RALGPS2: variants seen among roughly 807,000 people sequenced by gnomAD.
RALGPS2 encodes the protein ras-specific guanine nucleotide-releasing factor RalGPS2.
A neutral mutation model predicts 86.8 loss-of-function variants in RALGPS2; 43 were observed. That is an observed-to-expected ratio of 0.50 (90% CI 0.39 to 0.64). The LOEUF (loss-of-function observed/expected upper bound fraction) is 0.64, where lower values mean the gene tolerates loss of function less well. RALGPS2 is among the 30% of genes least tolerant of loss of function. The probability of loss-of-function intolerance (pLI) is 0.00; values close to 1 mark genes in which losing one functional copy is unlikely to be tolerated. For synonymous variants in RALGPS2, 243 were observed against 231.3 expected (o/e 1.05, Z -0.46); for missense variants, 536 against 694.6 (o/e 0.77, Z 2.57).
intron 8 of RALGPS2, among the ~76,000 whole-genome samples, chr1:178,864,742 A>C (rs972258470): frequency 1.3e-5 from 2 of 152,136 alleles, no homozygotes; most frequent in African/African-American, 4.8e-5. Context: ...TTTTTCACAG[A>C]ATACATTAAG....
intron 4 of RALGPS2, among the ~76,000 whole-genome samples, chr1:178,793,808 G>C (rs1369766152): frequency 1.3e-5 from 2 of 152,072 alleles, no homozygotes; most frequent in Non-Finnish European, 2.9e-5. Flanking sequence ...TTTTGCAGAA[G>C]TGTTATCCAC....
intron 8 of RALGPS2, among the ~76,000 whole-genome samples, chr1:178,860,451 T>C (rs1468824979): frequency 1.3e-5 from 2 of 152,212 alleles, no homozygotes; most frequent in Non-Finnish European, 2.9e-5. Flanking sequence ...AAATGTGATA[T>C]GCATAATTAC....
At chr1:178,899,716 G>A (rs1030250317) in intron 17 of RALGPS2, among the ~76,000 whole-genome samples, 2 of 149,626 alleles carry the variant, frequency 1.3e-5, no homozygotes, top group Non-Finnish European at 3.0e-5. Context: ...TCCAAATTGT[G>A]GGTCATTCTA....
chr1:178,904,516 T>G (rs1660312747), intron 18 of RALGPS2, among the ~76,000 whole-genome samples: 2 of 152,222 alleles, frequency 1.3e-5, no homozygotes, highest in Non-Finnish European at 2.9e-5. Flanking sequence ...TCATCTTGAG[T>G]TGATTTTTGT....
chr1:178,780,803 G>A (rs950583115), intron 2 of RALGPS2, among the ~76,000 whole-genome samples: 26 of 152,030 alleles, frequency 1.7e-4, no homozygotes, highest in Admixed American at 1.4e-3. Flanking sequence ...CAAATGCTAT[G>A]CTTTTAATAA....
chr1:178,738,295 A>G (rs1650836608), intron 1 of RALGPS2, among the ~76,000 whole-genome samples: 2 of 136,938 alleles, frequency 1.5e-5, no homozygotes, highest in African/African-American at 2.8e-5. Context: ...TGCAACATCC[A>G]CCTCCCAGGT....
intron 1 of RALGPS2, among the ~76,000 whole-genome samples, chr1:178,729,176 T>C (rs1167236715): frequency 6.6e-6 from 1 of 152,222 alleles, no homozygotes; most frequent in Non-Finnish European, 1.5e-5. Context: ...AGATTTTCTT[T>C]AGTTTGATTT....
Position 178,848,818 on chromosome 1 carries a change from T to G in RALGPS2, c.607+15268T>G, listed in dbSNP as rs191964505. ...CTAATTTTTGTGTTTTCAGTAGAGA[T>G]GGGGTTTCACCATGTCGGCCAGGCT... On this transcript the variant is annotated intron_variant, in intron 8 of 19. Coordinates refer to ENST00000367635, the MANE Select transcript of RALGPS2 (RefSeq NM_152663.5). Among the ~76,000 whole-genome samples the G allele has an allele frequency of 1.9e-3, 284 of 152,210 alleles. 2 individuals carry two copies. Among genetic ancestry groups the G allele is most frequent in the Non-Finnish European group, 2.9e-4 (20 of 68,000 alleles).
At chr1:178,730,433 A>G (rs1650270632) in intron 1 of RALGPS2, among the ~76,000 whole-genome samples, 1 of 152,282 alleles carries the variant, frequency 6.6e-6, no homozygotes, top group South Asian at 2.1e-4. Flanking sequence ...ATATGTTTAC[A>G]GTGGAACCTT....
At chr1:178,792,788 G>C (rs1273014700) in intron 4 of RALGPS2, among the ~76,000 whole-genome samples, 1 of 152,154 alleles carries the variant, frequency 6.6e-6, no homozygotes, top group African/African-American at 2.4e-5. Flanking sequence ...GTCTCTTAGT[G>C]GTGGGGAGAA....
intron 1 of RALGPS2, among the ~76,000 whole-genome samples, chr1:178,760,744 A>G (rs779644062): frequency 2.1e-4 from 32 of 151,784 alleles, no homozygotes; most frequent in African/African-American, 7.1e-4. Flanking sequence ...TTGACCTTCA[A>G]CAGTCTGGTG....
intron 11 of RALGPS2, among the ~76,000 whole-genome samples, chr1:178,884,154 C>G (rs1173238874): frequency 6.6e-6 from 1 of 152,120 alleles, no homozygotes; most frequent in East Asian, 1.9e-4. Flanking sequence ...GTTGATTACA[C>G]TAGAAATTTC....
At chr1:178,757,648 A>T (rs1034696961) in intron 1 of RALGPS2, among the ~76,000 whole-genome samples, 1 of 152,206 alleles carries the variant, frequency 6.6e-6, no homozygotes, top group African/African-American at 2.4e-5. Flanking sequence ...AGCTTGCTTA[A>T]TCATGGTGAA....
At chr1:178,858,281 T>G (rs1267813370) in intron 8 of RALGPS2, among the ~76,000 whole-genome samples, 2 of 152,198 alleles carry the variant, frequency 1.3e-5, no homozygotes, top group Non-Finnish European at 2.9e-5. Context: ...TCTTATTTAC[T>G]TTCTGCCCTA....
At chr1:178,796,268 A>C (rs539523003) in intron 4 of RALGPS2, among the ~76,000 whole-genome samples, 1 of 152,244 alleles carries the variant, frequency 6.6e-6, no homozygotes, top group Admixed American at 6.5e-5. Flanking sequence ...AGTACATTAG[A>C]AAATAGAAGG....
chr1:178,804,078 T>G (rs1040350062), intron 4 of RALGPS2, among the ~76,000 whole-genome samples: 6 of 151,946 alleles, frequency 3.9e-5, no homozygotes. Flanking sequence ...CCTTTTTTTT[T>G]TTTTGGTTTC....
chr1:178,783,983 TTAAC>T (rs1179306380), intron 2 of RALGPS2, among the ~76,000 whole-genome samples: 8 of 152,054 alleles, frequency 5.3e-5, no homozygotes, highest in African/African-American at 1.9e-4. Context: ...AACTCTTTAA[TTAAC>T]AGCATTCTGA....
intron 6 of RALGPS2, among the ~76,000 whole-genome samples, chr1:178,816,042 T>G (rs1655211438): frequency 6.6e-6 from 1 of 152,238 alleles, no homozygotes; most frequent in Admixed American, 6.5e-5. Flanking sequence ...TTATGAACAT[T>G]TTTGTGGAGT....
intron 10 of RALGPS2, 77 bp downstream of exon 10, chr1:178,879,069 C>G (rs1659117943): frequency 1.3e-6 from 2 of 1,537,460 alleles, no homozygotes; most frequent in Admixed American, 2.1e-5. Context: ...ATTTAAACAT[C>G]TAAATCCTAC....
Sources: allele counts gnomAD v4.1 joint callset (sites outside exome capture counted in the v4.1 genomes callset), GRCh38; gene constraint gnomAD v4.1.1; transcripts MANE v1.5; gene names NCBI Gene and HGNC (gene_info 2026-07-23, HGNC 2026-07-21).